The following NCOA1 variants were observed in gnomAD, a reference collection of about 807,000 sequenced individuals.
NCOA1 encodes nuclear receptor coactivator 1, also known as Hin-2 protein.
In NCOA1, 35 loss-of-function variants were observed where a neutral mutation model predicts 150.9. The observed-to-expected ratio is 0.23, with a 90% confidence interval of 0.18 to 0.31. NCOA1 has a LOEUF of 0.31. NCOA1 is among the 10% of genes least tolerant of loss of function. NCOA1 has a pLI of 1.00. For synonymous variants in NCOA1, 590 were observed against 630.0 expected (o/e 0.94, Z 0.95); for missense variants, 1,491 against 1,749.3 (o/e 0.85, Z 2.63).
At chr2:24,756,721 A>G (rs1458592770) in intron 20 of NCOA1, among the ~76,000 whole-genome samples, 1 of 152,228 alleles carries the variant, frequency 6.6e-6, no homozygotes, top group Admixed American at 6.5e-5. Flanking sequence ...CAGAATTAAT[A>G]TCATTATCCT....
chr2:24,742,632 T>G (rs553235270), intron 19 of NCOA1, among the ~76,000 whole-genome samples: 37 of 151,636 alleles, frequency 2.4e-4, no homozygotes, highest in Non-Finnish European at 3.1e-4. Context: ...AATTTTTGTT[T>G]TTTTTTTTTT....
chr2:24,500,974 T>C (rs1358431691), intron 1 of NCOA1, among the ~76,000 whole-genome samples: 1 of 152,228 alleles, frequency 6.6e-6, no homozygotes, highest in Non-Finnish European at 1.5e-5. Context: ...TTTATATGTA[T>C]ACTTGAACTT....
At chr2:24,576,175 T>TG (rs1666971663) in intron 2 of NCOA1, among the ~76,000 whole-genome samples, 1 of 70,384 alleles carries the variant, frequency 1.4e-5, no homozygotes, top group African/African-American at 4.2e-5. Context: ...TTTTTGTTTT[T>TG]TTTTTTTTTT....
chr2:24,639,227 A>C (rs1439623384), intron 3 of NCOA1, among the ~76,000 whole-genome samples: 8 of 152,094 alleles, frequency 5.3e-5, no homozygotes, highest in Non-Finnish European at 1.2e-4. Context: ...TTTGTTTTTA[A>C]TTACAAATTT....
chr2:24,638,743 T>A (rs1295910641), intron 3 of NCOA1, among the ~76,000 whole-genome samples: 1 of 152,180 alleles, frequency 6.6e-6, no homozygotes, highest in Non-Finnish European at 1.5e-5. Flanking sequence ...CCCTGATGAT[T>A]AATGATGTTG....
At chr2:24,555,244 T>TTTA (rs1184971868) in intron 1 of NCOA1, among the ~76,000 whole-genome samples, 2 of 152,234 alleles carry the variant, frequency 1.3e-5, no homozygotes, top group African/African-American at 2.4e-5. Flanking sequence ...AAACATGTTG[T>TTTA]TTAATTTCCA....
intron 13 of NCOA1, among the ~76,000 whole-genome samples, chr2:24,709,556 T>C (rs917879127): frequency 1.3e-5 from 2 of 152,248 alleles, no homozygotes; most frequent in African/African-American, 4.8e-5. Flanking sequence ...GTATGAGTCC[T>C]TTATTGGACA....
At chr2:24,627,296 T>C (rs1479977631) in intron 3 of NCOA1, among the ~76,000 whole-genome samples, 2 of 152,060 alleles carry the variant, frequency 1.3e-5, no homozygotes, top group Non-Finnish European at 2.9e-5. Context: ...GAATTACTTA[T>C]TAAAATCTCT....
At chr2:24,618,713 C>T (rs1036209059) in intron 3 of NCOA1, among the ~76,000 whole-genome samples, 1 of 152,068 alleles carries the variant, frequency 6.6e-6, no homozygotes, top group African/African-American at 2.4e-5. Flanking sequence ...GGTGTATGTT[C>T]CCCCCTCCTG....
At chr2:24,682,620 T>C (rs922539067) in intron 7 of NCOA1, among the ~76,000 whole-genome samples, 22 of 152,186 alleles carry the variant, frequency 1.4e-4, no homozygotes, top group African/African-American at 5.1e-4. Flanking sequence ...CTCCACTTCC[T>C]GGAATGTTCT....
intron 3 of NCOA1, among the ~76,000 whole-genome samples, chr2:24,640,098 T>C (rs369404612): frequency 6.6e-6 from 1 of 151,704 alleles, no homozygotes; most frequent in Non-Finnish European, 1.5e-5. Flanking sequence ...CATTAACAGG[T>C]ATGTTGTCAA....
rs778493514 is a variant in NCOA1, at chr2:24,726,694, G to A, written c.2705G>A (p.Ser902Asn). ...AATACAGTGACAGCTATAAATCAGA[G>A]TAAATCAGAAGAGTAAGTAATACAT... ...TNNTVTAINQ[S>N]KSEDQCISSQ... The change falls in exon 15 of 23, where the codon AGT (serine) becomes AAT (asparagine). Residue 902 changes from serine to asparagine, a missense_variant. By Grantham distance (46) the Ser-to-Asn change is conservative. Around this residue, in one of 8 missense-constraint regions of NCOA1, gnomAD observed 703 missense variants for 717.7 expected, o/e 0.98. Coordinates refer to ENST00000348332, the MANE Select transcript of NCOA1 (RefSeq NM_003743.5). 6.2e-7 allele frequency: 1 copy of A among 1,602,988 alleles called. No individual in the cohort carries two copies. The highest frequency in any genetic ancestry group is 1.7e-5 in the Admixed American group (1 of 58,874).
At chr2:24,710,510 AT>A (rs1310419602) in intron 13 of NCOA1, among the ~76,000 whole-genome samples, 1 of 152,362 alleles carries the variant, frequency 6.6e-6, no homozygotes. Context: ...TTTTTAAATT[AT>A]AAAATAGTTG....
intron 7 of NCOA1, among the ~76,000 whole-genome samples, chr2:24,674,574 T>C (rs1671823940): frequency 6.6e-6 from 1 of 152,164 alleles, no homozygotes. Flanking sequence ...GAAGAAATTT[T>C]CGCACATCTA....
intron 1 of NCOA1, among the ~76,000 whole-genome samples, chr2:24,527,576 C>T (rs1377813349): frequency 6.6e-6 from 1 of 152,076 alleles, no homozygotes; most frequent in African/African-American, 2.4e-5. Context: ...TAATGGACGA[C>T]TAGTTTGTTT....
In NCOA1 at chr2:24,705,107, C is replaced by G. The variant is rs1231021332; in HGVS notation, c.971C>G (p.Ser324Cys). The change falls in exon 12 of 23, where the codon TCC (serine) becomes TGC (cysteine). Residue 324 changes from serine (S) to cysteine (C), a missense_variant. Around this residue, in one of 8 missense-constraint regions of NCOA1, gnomAD observed 25 missense variants for 66.1 expected, o/e 0.38. Coordinates refer to ENST00000348332, the MANE Select transcript of NCOA1 (RefSeq NM_003743.5). Reference protein sequence around the residue: ...FQEVMTRGTASSPSYRFILND... With the variant: ...FQEVMTRGTACSPSYRFILND... Reference sequence around the variant, plus strand: ...ACAGTGATGACTCGTGGCACTGCCTCCAGCCCCTCCTATAGATTCATATTG... The same window carrying G: ...ACAGTGATGACTCGTGGCACTGCCTGCAGCCCCTCCTATAGATTCATATTG... The G allele has an allele frequency of 1.2e-6, 2 of 1,613,984 alleles. No individual in the cohort carries two copies. Among genetic ancestry groups the G allele is most frequent in the Non-Finnish European group, 1.7e-6 (2 of 1,179,882 alleles).
In NCOA1 at chr2:24,674,429, A is replaced by C. The variant is rs55955862; in HGVS notation, c.354+966A>C. ...CACCGTGTTAGCCAGGATGGTCTCG[A>C]TCTCCTGACGTCGTGATCCGCCCAC... On this transcript the variant is annotated intron_variant, in intron 7 of 22. Transcript: ENST00000348332. Among the ~76,000 whole-genome samples, 198 of 152,054 alleles carry C rather than the reference A, an allele frequency of 1.3e-3. 4 individuals are homozygous for C. The highest frequency in any genetic ancestry group is 4.5e-3 in the African/African-American group (188 of 41,492).
At chr2:24,671,665 A>ATTATTGTACCTCAGCC (rs1213183292) in intron 6 of NCOA1, among the ~76,000 whole-genome samples, 1 of 152,058 alleles carries the variant, frequency 6.6e-6, no homozygotes, top group African/African-American at 2.4e-5. Context: ...GGTCCAAGCA[A>ATTATTGTACCTCAGCC]TTATTGTACC....
In NCOA1 at chr2:24,516,930, G is replaced by A. The variant is rs1341093295; in HGVS notation, c.-396+25328G>A. ...TATGTGCATGTGTGTGTGCGCGCGT[G>A]TGTATATATATACGTATATATACAA... On this transcript the variant is annotated intron_variant, in intron 1 of 22. Coordinates refer to ENST00000348332, the MANE Select transcript of NCOA1 (RefSeq NM_003743.5). Among the ~76,000 whole-genome samples the A allele has an allele frequency of 1.1e-4, 3 of 28,214 alleles. No homozygotes were observed. In the East Asian group the frequency reaches 0.014, roughly 127 times the overall value. 18.5% of individuals were successfully genotyped at this position (28,214 alleles called of 152,430 possible). A position where few individuals can be genotyped will look rare whatever the true frequency, so the allele number is the denominator to read the frequency against.
Sources: allele counts gnomAD v4.1 joint callset (sites outside exome capture counted in the v4.1 genomes callset), GRCh38; gene constraint gnomAD v4.1.1; regional missense constraint gnomAD v4.1.1; transcripts MANE v1.5; gene names NCBI Gene and HGNC (gene_info 2026-07-23, HGNC 2026-07-21).